Variants in HSD17B4 observed in about 807,000 individuals in gnomAD.
The protein encoded by HSD17B4 is hydroxysteroid 17-beta dehydrogenase 4.
A neutral mutation model predicts 101.0 loss-of-function variants in HSD17B4; 70 were observed. The observed-to-expected ratio is 0.69, with a 90% CI of 0.57 to 0.85. The LOEUF (loss-of-function observed/expected upper bound fraction) is 0.85. HSD17B4 is among the 40% of genes least tolerant of loss of function. HSD17B4 has a pLI of 0.00. For missense variants in HSD17B4, 984 were observed against 892.4 expected (o/e 1.10, Z -1.31); for synonymous variants, 347 against 297.1 (o/e 1.17, Z -1.73).
intron 10 of HSD17B4, 110 bp from the exon 11 acceptor site, chr5:119,493,708 C>A (rs1022405300): frequency 3.0e-6 from 3 of 987,082 alleles, no homozygotes; most frequent in Non-Finnish European, 4.7e-6. Context: ...GAGTTAGAAT[C>A]CCTTTTTTTC....
chr5:119,463,112 CT>C (rs1344690510), intron 2 of HSD17B4, among the ~76,000 whole-genome samples: 1 of 152,148 alleles, frequency 6.6e-6, no homozygotes, highest in Admixed American at 6.5e-5. Flanking sequence ...ATGTATTTAT[CT>C]TTCTGTGCCT....
intron 1 of HSD17B4, 98 bp downstream of exon 1, chr5:119,452,731 C>A (rs755334209): frequency 1.2e-6 from 2 of 1,602,608 alleles, no homozygotes; most frequent in Non-Finnish European, 1.7e-6. Flanking sequence ...TGAGGTCACC[C>A]CGCTGAGGTG....
At chr5:119,526,593 T>C (rs1387544065) in intron 19 of HSD17B4, among the ~76,000 whole-genome samples, 2 of 152,042 alleles carry the variant, frequency 1.3e-5, no homozygotes, top group East Asian at 3.8e-4. Flanking sequence ...GCTTTTAATT[T>C]ATCCTCCATG....
intron 14 of HSD17B4, among the ~76,000 whole-genome samples, chr5:119,506,187 C>G (rs942311530): frequency 1.3e-5 from 2 of 152,062 alleles, no homozygotes; most frequent in African/African-American, 2.4e-5. Flanking sequence ...CCTTGACAGG[C>G]CCCGGTGTGT....
At chr5:119,522,044 G>A (rs566035157) in intron 17 of HSD17B4, among the ~76,000 whole-genome samples, 10 of 151,754 alleles carry the variant, frequency 6.6e-5, no homozygotes, top group African/African-American at 1.5e-4. Flanking sequence ...CCGTTAACTC[G>A]TCATTTACGT....
chr5:119,499,262 T>G (rs946775461), intron 12 of HSD17B4, 55 bp from the exon 13 acceptor site: 2 of 1,211,200 alleles, frequency 1.7e-6, no homozygotes, highest in Non-Finnish European at 2.5e-6. Flanking sequence ...TGTAAGAAGT[T>G]AATAGTTTTG....
Position 119,478,885 on chromosome 5 carries a change from C to T in HSD17B4, c.486C>T (p.Ala162=). The T allele has an allele frequency of 6.2e-7, 1 of 1,613,632 alleles. No individual in the cohort carries two copies. Among genetic ancestry groups the T allele is most frequent in the Admixed American group, 1.7e-5 (1 of 59,982 alleles). ...ASGIYGNFGQ[A]NYSAAKLGLL... ...GAATATATGGCAACTTTGGCCAGGC[C>T]AATTATAGTGCTGCAAAGTTGGGTC... The change falls in exon 8 of 24, where the codon GCC becomes GCT. Residue 162 remains alanine (A), a synonymous_variant. Coordinates refer to ENST00000510025, the MANE Select transcript of HSD17B4 (RefSeq NM_000414.4).
intron 16 of HSD17B4, among the ~76,000 whole-genome samples, chr5:119,514,736 T>G (rs1298706132): frequency 6.6e-6 from 1 of 152,162 alleles, no homozygotes; most frequent in East Asian, 1.9e-4. Flanking sequence ...GCCTGGAGGA[T>G]TTATCTGATT....
At chr5:119,531,536 G>A in intron 22 of HSD17B4, 132 bp downstream of exon 22, 2 of 789,548 alleles carry the variant, frequency 2.5e-6, no homozygotes, top group Non-Finnish European at 2.1e-6. Context: ...TTTTCCCGTG[G>A]GAATGAATAG....
intron 2 of HSD17B4, among the ~76,000 whole-genome samples, chr5:119,470,653 A>G (rs1756274784): frequency 1.3e-5 from 2 of 152,224 alleles, no homozygotes; most frequent in Non-Finnish European, 2.9e-5. Context: ...CTAAGCTGCC[A>G]TGCAGAGTTT....
At chr5:119,522,506 C>T (rs1156901279) in intron 17 of HSD17B4, among the ~76,000 whole-genome samples, 1 of 151,992 alleles carries the variant, frequency 6.6e-6, no homozygotes, top group Non-Finnish European at 1.5e-5. Context: ...TGAGGAATTG[C>T]AATTTTAGTT....
Position 119,507,503 on chromosome 5 carries a change from G to A in HSD17B4, c.1333+614G>A, listed in dbSNP as rs113182530. On this transcript the variant is annotated intron_variant, in intron 15 of 23. Coordinates refer to ENST00000510025, the MANE Select transcript of HSD17B4 (RefSeq NM_000414.4). ...GATGCTTAAAATTTGTAAATTTTAC[G>A]CTGGGTGCGGTGGCTCACGCCTGTA... Among the ~76,000 whole-genome samples the A allele has an allele frequency of 9.5e-4, 144 of 152,200 alleles. 1 individual carries two copies. Among genetic ancestry groups the A allele is most frequent in the Middle Eastern group, 3.4e-3 (1 of 294 alleles).
intron 2 of HSD17B4, among the ~76,000 whole-genome samples, chr5:119,459,384 ACT>A (rs2126624689): frequency 6.6e-6 from 1 of 152,204 alleles, no homozygotes; most frequent in African/African-American, 2.4e-5. Flanking sequence ...TATATGACTC[ACT>A]CTGCTCAAGA....
chr5:119,518,022 C>T (rs1752793426), intron 17 of HSD17B4, among the ~76,000 whole-genome samples: 1 of 152,156 alleles, frequency 6.6e-6, no homozygotes. Context: ...GACCACTCAG[C>T]TCTACCAATC....
At position 119,478,931 on chromosome 5, in the gene HSD17B4, C is replaced by T. The variant is rs1307944675; in HGVS notation, c.532C>T (p.Leu178Phe). The change falls in exon 8 of 24, where the codon CTT (leucine) becomes TTT (phenylalanine). Residue 178 changes from leucine to phenylalanine, a missense_variant. Leu to Phe is a conservative substitution (Grantham distance 22, BLOSUM62 0). Transcript: ENST00000510025. ...KLGLLGLANS[L>F]AIEGRKSNIH... ...GGGTCTTCTGGGCCTTGCAAATTCT[C>T]TTGCAATTGAAGGCAGGAAAAGCAA... 1 of 1,613,436 alleles carries T rather than the reference C, an allele frequency of 6.2e-7. No individual in the cohort carries two copies.
At chr5:119,483,045 A>C (rs1275525655) in intron 8 of HSD17B4, among the ~76,000 whole-genome samples, 1 of 151,888 alleles carries the variant, frequency 6.6e-6, no homozygotes, top group African/African-American at 2.4e-5. Flanking sequence ...AGAACAGAAT[A>C]CTCTGGGCAT....
chr5:119,501,397 G>A (rs1026219416), intron 13 of HSD17B4, among the ~76,000 whole-genome samples: 5 of 151,382 alleles, frequency 3.3e-5, no homozygotes, highest in South Asian at 2.1e-4. Context: ...GATCATTTGA[G>A]TGTATGCTTC....
intron 17 of HSD17B4, among the ~76,000 whole-genome samples, chr5:119,518,891 T>C (rs1449703085): frequency 1.3e-5 from 2 of 152,096 alleles, no homozygotes; most frequent in South Asian, 2.1e-4. Context: ...CCCAGCACTT[T>C]GGGAGGCTGA....
intron 6 of HSD17B4, chr5:119,476,569 A>G: frequency 1.0e-6 from 1 of 985,330 alleles, no homozygotes. Context: ...TTTTGGAAGA[A>G]GAGTTAGTGT....
Sources: gnomAD v4.1 joint callset for allele counts (sites outside exome capture counted in the v4.1 genomes callset) on GRCh38, gnomAD v4.1.1 for gene constraint, MANE v1.5 for transcripts, NCBI Gene and HGNC (gene_info 2026-07-23, HGNC 2026-07-21) for gene names.